The following RNF212B variants were observed in gnomAD, a reference collection of about 807,000 sequenced individuals.
RNF212B encodes the protein E3 ubiquitin-protein ligase RNF212B.
RNF212B carries 52 observed loss-of-function variants against 55.5 expected under a neutral mutation model. That is an observed-to-expected ratio of 0.94 (90% CI 0.75 to 1.18). RNF212B has a LOEUF of 1.18. Among genes scored for constraint, RNF212B ranks in the 50% most tolerant of loss-of-function variants. RNF212B has a pLI of 0.00. For synonymous variants in RNF212B, 99 were observed against 121.4 expected, an observed-to-expected ratio of 0.82 and a Z score of 1.21; for missense variants, 289 against 350.4, an observed-to-expected ratio of 0.82 and a Z score of 1.40.
upstream of RNF212B, among the ~76,000 whole-genome samples, chr14:23,234,932 G>A (rs956376219): frequency 2.0e-5 from 3 of 152,014 alleles, no homozygotes; most frequent in Non-Finnish European, 4.4e-5. Context: ...TAAAAATTAG[G>A]GCTGGGTACG....
At chr14:23,208,508 T>C (rs1040969698) in intron 2 of RNF212B, among the ~76,000 whole-genome samples, 1 of 151,712 alleles carries the variant, frequency 6.6e-6, no homozygotes, top group Admixed American at 6.6e-5. Context: ...AAAAATGACA[T>C]AGGAGTCAAT....
intron 2 of RNF212B, among the ~76,000 whole-genome samples, chr14:23,241,919 A>G (rs1883600057): frequency 6.6e-6 from 1 of 151,074 alleles, no homozygotes; most frequent in Non-Finnish European, 1.5e-5. Context: ...CATCTCTACT[A>G]AAACTACAAA....
At chr14:23,208,757 G>GGTTTTTTT (rs1182142805) in intron 2 of RNF212B, among the ~76,000 whole-genome samples, 1 of 98,110 alleles carries the variant, frequency 1.0e-5, no homozygotes, top group Admixed American at 1.3e-4. Context: ...GCTGGTTGCC[G>GGTTTTTTT]TTTTTTTTTT....
intron 6 of RNF212B, among the ~76,000 whole-genome samples, 158 bp downstream of exon 6, chr14:23,260,102 T>C (rs1415365852): frequency 6.6e-6 from 1 of 152,174 alleles, no homozygotes; most frequent in African/African-American, 2.4e-5. Flanking sequence ...ATGGATGAGG[T>C]CTCAGCAGAC....
At chr14:23,252,821 C>G (rs1594935473) in intron 4 of RNF212B, among the ~76,000 whole-genome samples, 1 of 152,010 alleles carries the variant, frequency 6.6e-6, no homozygotes, top group East Asian at 1.9e-4. Context: ...CCTTATGATT[C>G]TAATGTCATA....
At chr14:23,186,123 C>T (rs1877568404) in intron 1 of RNF212B, among the ~76,000 whole-genome samples, 1 of 151,910 alleles carries the variant, frequency 6.6e-6, no homozygotes, top group South Asian at 2.1e-4. Flanking sequence ...CCAAAACAAA[C>T]AAACAAACAA....
At chr14:23,241,643 C>T (rs1242845633) in intron 2 of RNF212B, among the ~76,000 whole-genome samples, 1 of 151,816 alleles carries the variant, frequency 6.6e-6, no homozygotes, top group Non-Finnish European at 1.5e-5. Flanking sequence ...AGGCTGATCT[C>T]GAACTCCCGG....
chr14:23,207,590 A>T (rs1879974199), intron 2 of RNF212B, among the ~76,000 whole-genome samples: 1 of 152,240 alleles, frequency 6.6e-6, no homozygotes, highest in African/African-American at 2.4e-5. Flanking sequence ...TGAGCCATAG[A>T]GTTAGCTCAT....
chr14:23,203,121 C>T (rs939236461), intron 2 of RNF212B, among the ~76,000 whole-genome samples: 7 of 151,980 alleles, frequency 4.6e-5, no homozygotes, highest in African/African-American at 1.7e-4. Context: ...TCTTTTATCT[C>T]TCATCCCCCC....
intron 1 of RNF212B, among the ~76,000 whole-genome samples, chr14:23,188,702 T>C (rs1877835462): frequency 6.6e-6 from 1 of 152,088 alleles, no homozygotes; most frequent in Non-Finnish European, 1.5e-5. Context: ...AGTCCTAGCC[T>C]GAAGAGTTCC....
At chr14:23,248,390 C>T (rs896956640) in intron 4 of RNF212B, among the ~76,000 whole-genome samples, 30 of 151,292 alleles carry the variant, frequency 2.0e-4, no homozygotes, top group Non-Finnish European at 4.0e-4. Flanking sequence ...CCTCAGCCTC[C>T]CAAAGTGCTG....
At chr14:23,215,325 A>T (rs918758899) in intron 2 of RNF212B, among the ~76,000 whole-genome samples, 1 of 152,134 alleles carries the variant, frequency 6.6e-6, no homozygotes, top group African/African-American at 2.4e-5. Flanking sequence ...TAAATTTCCC[A>T]GTTCTTTATA....
chr14:23,237,400 G>T (rs1274036024), upstream of RNF212B, among the ~76,000 whole-genome samples: 1 of 152,170 alleles, frequency 6.6e-6, no homozygotes, highest in Non-Finnish European at 1.5e-5. Flanking sequence ...AAGGTGCTGG[G>T]ATTACAGGCG....
intron 5 of RNF212B, chr14:23,259,644 T>C: frequency 3.3e-6 from 1 of 306,640 alleles, no homozygotes. Context: ...GGAAATGGAA[T>C]TCTTTGCAAA....
chr14:23,255,305 C>T (rs1432877352), intron 4 of RNF212B, among the ~76,000 whole-genome samples: 2 of 152,154 alleles, frequency 1.3e-5, no homozygotes, highest in Non-Finnish European at 1.5e-5. Context: ...CAGTTAATAT[C>T]TTTAAACTAA....
intron 1 of RNF212B, among the ~76,000 whole-genome samples, chr14:23,239,193 G>A (rs1883373179): frequency 6.6e-6 from 1 of 152,026 alleles, no homozygotes; most frequent in Admixed American, 6.6e-5. Context: ...AAGTAGCTGG[G>A]GTTACAGGCG....
At chr14:23,268,511 C>T (rs1885850931) in intron 11 of RNF212B, among the ~76,000 whole-genome samples, 1 of 152,180 alleles carries the variant, frequency 6.6e-6, no homozygotes, top group African/African-American at 2.4e-5. Flanking sequence ...GACCATTATG[C>T]CAATTTTCTC....
At chr14:23,247,989 G>A (rs969009369) in intron 4 of RNF212B, among the ~76,000 whole-genome samples, 9 of 152,070 alleles carry the variant, frequency 5.9e-5, no homozygotes, top group African/African-American at 2.2e-4. Flanking sequence ...AGGCTGGGAA[G>A]TTCAACATCA....
intron 2 of RNF212B, among the ~76,000 whole-genome samples, chr14:23,220,191 C>A (rs140389449): frequency 3.0e-5 from 1 of 33,254 alleles, no homozygotes; most frequent in South Asian, 6.8e-4. Flanking sequence ...TCGGGAAAAA[C>A]AAAAACAAAA....
Sources: allele counts gnomAD v4.1 joint callset (sites outside exome capture counted in the v4.1 genomes callset), GRCh38; gene constraint gnomAD v4.1.1; transcripts MANE v1.5; gene names NCBI Gene and HGNC (gene_info 2026-07-23, HGNC 2026-07-21).